COL23A1: variants seen among roughly 807,000 people sequenced by gnomAD.
The protein encoded by COL23A1 is collagen type XXIII alpha 1 chain, also known as collagen alpha-1(XXIII) chain.
Under a neutral mutation model 99.3 loss-of-function variants are expected in COL23A1, and 97 were observed. That is an observed-to-expected ratio of 0.98 (90% CI 0.83 to 1.16). The LOEUF is 1.16. COL23A1 is among the 50% of genes most tolerant of loss of function. The pLI, the probability that COL23A1 is intolerant of heterozygous loss-of-function variation, is 0.00. For synonymous variants in COL23A1, 320 were observed against 308.2 expected, an observed-to-expected ratio of 1.04 and a Z score of -0.40; for missense variants, 762 against 757.4, an observed-to-expected ratio of 1.01 and a Z score of -0.07.
intron 2 of COL23A1, among the ~76,000 whole-genome samples, chr5:178,527,067 A>G (rs1760349889): frequency 1.3e-5 from 2 of 152,210 alleles, no homozygotes; most frequent in African/African-American, 2.4e-5. Context: ...CTTGCAGGGC[A>G]CTTGGTGTTG....
At chr5:178,259,616 G>C in intron 12 of COL23A1, 105 bp downstream of exon 12, 1 of 1,130,316 alleles carries the variant, frequency 8.8e-7, no homozygotes, top group Non-Finnish European at 1.2e-6. Flanking sequence ...TTGGCTCCCA[G>C]CCCATCCCGT....
In COL23A1 at chr5:178,238,351, T is replaced by TA. The variant is rs1450985028; in HGVS notation, c.*346dup. 1 of 275,468 alleles carries TA rather than the reference T, an allele frequency of 3.6e-6. No homozygotes were observed. The highest frequency in any genetic ancestry group is 4.8e-5 in the Admixed American group (1 of 20,724). 17.1% of individuals were successfully genotyped at this position (275,468 alleles called of 1,614,324 possible). A position where few individuals can be genotyped will look rare whatever the true frequency, so the allele number is the denominator to read the frequency against. On this transcript the variant is annotated 3_prime_UTR_variant, in exon 29 of 29. Transcript: ENST00000390654. ...CCAGAGTTTTGCGGGGGCAGGTTCT[T>TA]ACAGGGCAGTACCACAGCTGAGAGT...
chr5:178,330,717 C>G (rs1047629873), intron 2 of COL23A1, among the ~76,000 whole-genome samples: 11 of 152,150 alleles, frequency 7.2e-5, no homozygotes, highest in African/African-American at 2.7e-4. Flanking sequence ...TCTGATCTGT[C>G]CCTTGACACG....
chr5:178,577,654 G>A (rs1043697872), intron 1 of COL23A1, among the ~76,000 whole-genome samples: 1 of 152,248 alleles, frequency 6.6e-6, no homozygotes, highest in Non-Finnish European at 1.5e-5. Flanking sequence ...GCCCAGACCA[G>A]AGCGAGTGTC....
intron 13 of COL23A1, 137 bp from the exon 14 acceptor site, chr5:178,257,065 T>A: frequency 1.4e-6 from 1 of 731,400 alleles, no homozygotes; most frequent in Non-Finnish European, 2.3e-6. Flanking sequence ...CCATGGGGGG[T>A]GTGGGCGGAT....
intron 2 of COL23A1, among the ~76,000 whole-genome samples, chr5:178,497,921 G>C (rs914699428): frequency 9.2e-5 from 14 of 151,638 alleles, no homozygotes; most frequent in African/African-American, 3.4e-4. Context: ...ATTTAAAAGA[G>C]AATATATATA....
chr5:178,445,129 T>C (rs1767087374), intron 2 of COL23A1, among the ~76,000 whole-genome samples: 1 of 152,230 alleles, frequency 6.6e-6, no homozygotes, highest in South Asian at 2.1e-4. Context: ...GTATTTATTC[T>C]AGGATTGCAA....
intron 5 of COL23A1, among the ~76,000 whole-genome samples, chr5:178,274,090 C>G (rs1028471266): frequency 2.0e-5 from 3 of 152,246 alleles, no homozygotes; most frequent in African/African-American, 7.2e-5. Context: ...CTGAGAAACA[C>G]TGGGTTACAC....
rs1233010328 is a variant in COL23A1, at chr5:178,306,522, T to C, written c.406+353A>G. On this transcript the variant is annotated intron_variant, in intron 3 of 28. Transcript: ENST00000390654. This position sits in a 1 kb window ranked among gnomAD's most constrained non-coding sequence, Gnocchi z 4.1. Reference sequence around the variant, plus strand: ...GGATGAAACCCACAGGAGAACCCGGTTGTGCTGAAGGACCCATGGGGGAGG... The same window carrying C: ...GGATGAAACCCACAGGAGAACCCGGCTGTGCTGAAGGACCCATGGGGGAGG... Among the ~76,000 whole-genome samples the C allele has an allele frequency of 6.6e-6, 1 of 150,994 alleles. No homozygotes were observed. The highest frequency in any genetic ancestry group is 2.4e-5 in the African/African-American group (1 of 40,904).
At chr5:178,486,872 CCT>C (rs1352749328) in intron 2 of COL23A1, among the ~76,000 whole-genome samples, 1 of 152,170 alleles carries the variant, frequency 6.6e-6, no homozygotes, top group Non-Finnish European at 1.5e-5. Context: ...CGTTTCACAC[CCT>C]GAGTGGGGAA....
At chr5:178,502,116 G>A (rs1275559704) in intron 2 of COL23A1, among the ~76,000 whole-genome samples, 2 of 152,174 alleles carry the variant, frequency 1.3e-5, no homozygotes, top group African/African-American at 2.4e-5. Context: ...TTTCACATAT[G>A]GTAAGTAGCA....
At chr5:178,363,429 T>C (rs1762282187) in intron 2 of COL23A1, among the ~76,000 whole-genome samples, 1 of 152,196 alleles carries the variant, frequency 6.6e-6, no homozygotes, top group Non-Finnish European at 1.5e-5. Context: ...ACTGATTCAC[T>C]CACTCCTTCA....
intron 5 of COL23A1, 36 bp from the exon 6 acceptor site, chr5:178,270,399 C>G (rs767481867): frequency 6.2e-7 from 1 of 1,612,328 alleles, no homozygotes; most frequent in South Asian, 1.1e-5. Flanking sequence ...AGGTTACACA[C>G]GGGGATGACA....
intron 3 of COL23A1, among the ~76,000 whole-genome samples, chr5:178,298,081 A>G (rs1464209944): frequency 6.6e-6 from 1 of 152,110 alleles, no homozygotes; most frequent in Non-Finnish European, 1.5e-5. Flanking sequence ...GCCTTCAAAC[A>G]TGTGTTCCAA....
At chr5:178,498,207 T>TATAC (rs1758299303) in intron 2 of COL23A1, among the ~76,000 whole-genome samples, 2 of 8,010 alleles carry the variant, frequency 2.5e-4, no homozygotes, top group African/African-American at 2.2e-3. Context: ...TTTATTTAAA[T>TATAC]ATATATATAT....
intron 1 of COL23A1, among the ~76,000 whole-genome samples, chr5:178,588,774 T>G (rs959295761): frequency 6.6e-6 from 1 of 152,182 alleles, no homozygotes; most frequent in East Asian, 1.9e-4. Context: ...CCAAAGGAAC[T>G]CAACATTGGA....
chr5:178,309,820 G>A lies in COL23A1; in HGVS notation c.362-2901C>T, dbSNP rs757964077. Among the ~76,000 whole-genome samples the A allele has an allele frequency of 1.3e-5, 2 of 151,968 alleles. No homozygotes were observed. Among genetic ancestry groups the A allele is most frequent in the African/African-American group, 2.4e-5 (1 of 41,342 alleles). On this transcript the variant is annotated intron_variant, in intron 2 of 28. Transcript: ENST00000390654. The surrounding 1 kb of genome is among the most constrained non-coding windows in gnomAD (Gnocchi z 4.7). ...CTCTGCCACTCGCTCTGCTGTGCTC[G>A]ATTCTCCCTCCTGGCACAAAGGACC...
chr5:178,239,943 C>T (rs1208657342), intron 27 of COL23A1, among the ~76,000 whole-genome samples: 1 of 152,200 alleles, frequency 6.6e-6, no homozygotes, highest in Non-Finnish European at 1.5e-5. Context: ...TCTGGCTCCT[C>T]ACCCTGGGGC....
intron 2 of COL23A1, among the ~76,000 whole-genome samples, chr5:178,378,820 G>A (rs1242527815): frequency 1.3e-5 from 2 of 152,138 alleles, no homozygotes; most frequent in African/African-American, 2.4e-5. Context: ...GCCGCAGGAC[G>A]GAAGATCCTG....
Sources: allele counts gnomAD v4.1 joint callset (sites outside exome capture counted in the v4.1 genomes callset), GRCh38; gene constraint gnomAD v4.1.1; non-coding constraint Gnocchi (gnomAD v3.1); transcripts MANE v1.5; gene names NCBI Gene and HGNC (gene_info 2026-07-23, HGNC 2026-07-21).